Variants in MYH9 observed in about 807,000 individuals in gnomAD.
The protein encoded by MYH9 is myosin heavy chain 9.
A neutral mutation model predicts 241.9 loss-of-function variants in MYH9; 29 were observed. The ratio of observed to expected loss-of-function variants is 0.12; its 90% CI spans 0.09 to 0.16. The LOEUF is 0.16. Ranked by LOEUF, MYH9 falls within the 10% of genes least tolerant of loss-of-function variation. The pLI is 1.00. For synonymous variants in MYH9, 1,047 were observed against 1,062.6 expected (o/e 0.99, Z 0.29); for missense variants, 1,803 against 2,595.5 (o/e 0.69, Z 6.63).
At chr22:36,371,476 G>C (rs1166719615) in intron 1 of MYH9, among the ~76,000 whole-genome samples, 1 of 152,178 alleles carries the variant, frequency 6.6e-6, no homozygotes, top group Non-Finnish European at 1.5e-5. Context: ...GGGGATAAAT[G>C]TCTGCTGCTT....
chr22:36,303,870 G>T, intron 19 of MYH9, 125 bp downstream of exon 19: 1 of 1,066,666 alleles, frequency 9.4e-7, no homozygotes, highest in Non-Finnish European at 1.4e-6. Flanking sequence ...GGTAGGAAGA[G>T]CCACCTGGGC....
At chr22:36,299,669 A>T (rs1244780123) in intron 23 of MYH9, among the ~76,000 whole-genome samples, 1 of 151,976 alleles carries the variant, frequency 6.6e-6, no homozygotes, top group Admixed American at 6.6e-5. Flanking sequence ...TTCTCCTCTA[A>T]CTGGTTCCCC....
Position 36,295,799 on chromosome 22 carries a change from T to C in MYH9, c.3273-82A>G. ...GTTTGCAGGACAGGCCTGAGAGAGC[T>C]GCAGCAGCCAAAGCTGCCTCCTGTG... On this transcript the variant is annotated intron_variant, in intron 25 of 40. Transcript: ENST00000216181. The surrounding 1 kb of genome is among the most constrained non-coding windows in gnomAD (Gnocchi z 4.1). The C allele has an allele frequency of 1.5e-6, 2 of 1,335,528 alleles. No individual in the cohort carries two copies. Among genetic ancestry groups the C allele is most frequent in the Admixed American group, 1.9e-5 (1 of 51,808 alleles). The allele number at this position is 1,335,528 out of a possible 1,614,324, so 82.7% of individuals were successfully genotyped here. A position where few individuals can be genotyped will look rare whatever the true frequency, so the allele number is the denominator to read the frequency against.
rs533178363 is a variant in MYH9 at position 36,333,620 on chromosome 22, C to T, written c.491-6132G>A. ...TTGACAGAAGCCACGTGCAGAATCC[C>T]AACTTTTATACCTGCAGCTTTTCAG... On this transcript the variant is annotated intron_variant, in intron 3 of 40. Coordinates refer to ENST00000216181, the MANE Select transcript of MYH9 (RefSeq NM_002473.6). 3.9e-5 allele frequency among the ~76,000 whole-genome samples: 6 copies of T among 152,362 alleles called. No individual in the cohort carries two copies. In the South Asian group the frequency reaches 1.0e-3, roughly 26 times the overall value.
In MYH9 at chr22:36,330,750, G is replaced by A. The variant is rs1018159783; in HGVS notation, c.491-3262C>T. 6.6e-6 allele frequency among the ~76,000 whole-genome samples: 1 copy of A among 151,876 alleles called. No homozygotes were observed. Among genetic ancestry groups the A allele is most frequent in the East Asian group, 1.9e-4 (1 of 5,174 alleles). On this transcript the variant is annotated intron_variant, in intron 3 of 40. Transcript: ENST00000216181. This position sits in a 1 kb window ranked among gnomAD's most constrained non-coding sequence, Gnocchi z 4.5. ...CGGCCCAATCTGCTTGTTTTGGCTC[G>A]AGTCCTTATTTGGCCTGTAAGGACT...
At chr22:36,360,877 C>T (rs2017926216) in intron 1 of MYH9, among the ~76,000 whole-genome samples, 1 of 152,302 alleles carries the variant, frequency 6.6e-6, no homozygotes, top group Non-Finnish European at 1.5e-5. Context: ...CAGCGAGGTG[C>T]TGACCAGCTG....
intron 35 of MYH9, 187 bp from the exon 36 acceptor site, chr22:36,286,140 TTATA>T: frequency 1.6e-6 from 1 of 640,434 alleles, no homozygotes; most frequent in Non-Finnish European, 2.8e-6. Flanking sequence ...CACCATATGT[TTATA>T]AAACTCTTAC....
At chr22:36,350,576 T>C (rs1179218463) in intron 1 of MYH9, among the ~76,000 whole-genome samples, 4 of 152,258 alleles carry the variant, frequency 2.6e-5, no homozygotes, top group South Asian at 2.1e-4. Context: ...TATATATCTG[T>C]ATGGTTTTAT....
chr22:36,347,650 G>A (rs36000500), intron 2 of MYH9, among the ~76,000 whole-genome samples: 8,640 of 151,932 alleles, frequency 0.057, 298 homozygotes, highest in East Asian at 0.086. Context: ...TGGGAGGATC[G>A]CTTGAGCCTA....
At chr22:36,290,716 G>A (rs28619086) in intron 31 of MYH9, among the ~76,000 whole-genome samples, 4 of 151,140 alleles carry the variant, frequency 2.6e-5, no homozygotes, top group South Asian at 4.2e-4. Context: ...GCCTCTTCCC[G>A]GCCGCCATCA....
At position 36,305,139 on chromosome 22, in the gene MYH9, T is replaced by A. The variant is rs142959186; in HGVS notation, c.2160-37A>T. ...AAGAGAAGCCTGGTCATTTTACCCA[T>A]TGCCTCGATTCCACATGCCTGGAAT... On this transcript the variant is annotated intron_variant, in intron 17 of 40. Transcript: ENST00000216181. The surrounding 1 kb of genome is among the most constrained non-coding windows in gnomAD (Gnocchi z 4.7). 1.0e-5 allele frequency: 16 copies of A among 1,540,576 alleles called. No homozygotes were observed. The highest frequency in any genetic ancestry group is 1.4e-5 in the African/African-American group (1 of 73,472).
intron 13 of MYH9, 76 bp from the exon 14 acceptor site, chr22:36,312,298 G>A (rs368304318): frequency 6.9e-5 from 102 of 1,468,452 alleles, no homozygotes; most frequent in African/African-American, 2.5e-4. Flanking sequence ...GCCAAAGCCC[G>A]GACATCAGAA....
intron 1 of MYH9, among the ~76,000 whole-genome samples, chr22:36,371,824 C>T (rs957567117): frequency 2.2e-4 from 33 of 152,116 alleles, no homozygotes; most frequent in Middle Eastern, 3.4e-3. Context: ...CGTAAGCCAC[C>T]ACACCCAGCT....
Position 36,304,111 on chromosome 22 carries a change from C to T in MYH9, c.2274G>A (p.Gln758=). 1 of 1,613,768 alleles carries T rather than the reference C, an allele frequency of 6.2e-7. No homozygotes were observed. Among genetic ancestry groups the T allele is most frequent in the Non-Finnish European group, 8.5e-7 (1 of 1,180,036 alleles). The change falls in exon 19 of 41, where the codon CAG becomes CAA. Residue 758 remains glutamine (Q), a synonymous_variant. Coordinates refer to ENST00000216181, the MANE Select transcript of MYH9 (RefSeq NM_002473.6). ...ELDSNLYRIG[Q]SKVFFRAGVL... ...CACCGGCACGGAAGAAGACTTTGCT[C>T]TGGCCAATGCGGTACAGATTGCTGT...
rs1201758750 is a variant in MYH9, at chr22:36,287,737, G to A, written c.4932+515C>T. Among the ~76,000 whole-genome samples the A allele has an allele frequency of 4.6e-5, 7 of 152,308 alleles. No homozygotes were observed. In the East Asian group the frequency reaches 7.7e-4, roughly 17 times the overall value. ...AGCCTGAGCGACAGAGCGAGACTCC[G>A]TCTCAAACAAACAAACAAAAAAAAA... On this transcript the variant is annotated intron_variant, in intron 34 of 40. Coordinates refer to ENST00000216181, the MANE Select transcript of MYH9 (RefSeq NM_002473.6).
intron 5 of MYH9, among the ~76,000 whole-genome samples, chr22:36,325,503 T>C (rs916705209): frequency 1.6e-4 from 25 of 152,158 alleles, no homozygotes; most frequent in African/African-American, 6.0e-4. Context: ...GAGTGTGTGC[T>C]TGAGAGAGAG....
At chr22:36,327,646 G>A (rs2017356929) in intron 3 of MYH9, among the ~76,000 whole-genome samples, 158 bp from the exon 4 acceptor site, 1 of 152,168 alleles carries the variant, frequency 6.6e-6, no homozygotes, top group Admixed American at 6.5e-5. Flanking sequence ...GCTAGGAGGA[G>A]CATCTTCGGG....
intron 1 of MYH9, among the ~76,000 whole-genome samples, chr22:36,355,477 T>C (rs979298600): frequency 8.6e-5 from 13 of 151,612 alleles, no homozygotes; most frequent in African/African-American, 2.4e-4. Flanking sequence ...AAAGACAGAA[T>C]GTATTCTACT....
chr22:36,383,812 T>C (rs929964947), intron 1 of MYH9, among the ~76,000 whole-genome samples: 6 of 151,374 alleles, frequency 4.0e-5, no homozygotes, highest in African/African-American at 9.7e-5. Context: ...ACAAAAAAAT[T>C]AGCCACGCAT....
Sources: allele counts gnomAD v4.1 joint callset (sites outside exome capture counted in the v4.1 genomes callset), GRCh38; gene constraint gnomAD v4.1.1; non-coding constraint Gnocchi (gnomAD v3.1); transcripts MANE v1.5; gene names NCBI Gene and HGNC (gene_info 2026-07-23, HGNC 2026-07-21).